CDK5R2: variants seen among roughly 807,000 people sequenced by gnomAD.
CDK5R2 encodes cyclin-dependent kinase 5 activator 2.
CDK5R2 carries 7 observed loss-of-function variants against 23.1 expected under a neutral mutation model. The observed-to-expected ratio is 0.30, with a 90% confidence interval of 0.17 to 0.57. CDK5R2 has a LOEUF of 0.57. Ranked by LOEUF, CDK5R2 falls within the 20% of genes least tolerant of loss-of-function variation. The probability of loss-of-function intolerance (pLI) is 0.91; values close to 1 mark genes in which losing one functional copy is unlikely to be tolerated. For synonymous variants in CDK5R2, 242 were observed against 264.9 expected (o/e 0.91, Z 0.84); for missense variants, 380 against 537.6 (o/e 0.71, Z 2.90).
chr2:218,959,999 T>C lies in CDK5R2; in HGVS notation c.179T>C (p.Leu60Pro). The C allele has an allele frequency of 6.4e-7, 1 of 1,574,772 alleles. No homozygotes were observed. The change falls in exon 1 of 1, where the codon CTC becomes CCC. Residue 60 changes from leucine (L) to proline (P), a missense_variant. Physicochemically the swap from Leu to Pro is moderately conservative, Grantham distance 98. Around this residue, in one of 3 missense-constraint regions of CDK5R2, gnomAD observed 197 missense variants for 246.4 expected, o/e 0.80. Transcript: ENST00000302625. This position sits in a 1 kb window ranked among gnomAD's most constrained non-coding sequence, Gnocchi z 4.0. ...AGCCGACTCAAGCGGCCGTCCGTGC[T>C]CATCTCGGCGCTCACCTGGAAGCGC... ...GESRLKRPSV[L>P]ISALTWKRLV...
At position 218,960,247 on chromosome 2, in the gene CDK5R2, G is replaced by A. The variant is rs2105999366; in HGVS notation, c.427G>A (p.Ala143Thr). The A allele has an allele frequency of 9.4e-6, 12 of 1,277,888 alleles. No individual in the cohort carries two copies. Among genetic ancestry groups the A allele is most frequent in the East Asian group, 3.2e-5 (1 of 31,136 alleles). The allele number at this position is 1,277,888 out of a possible 1,614,324, so 79.2% of individuals were successfully genotyped here. A position where few individuals can be genotyped will look rare whatever the true frequency, so the allele number is the denominator to read the frequency against. The change falls in exon 1 of 1, where the codon GCG becomes ACG. Residue 143 changes from alanine to threonine, a missense_variant. Ala to Thr is a moderately conservative substitution (Grantham distance 58). This residue lies in a region of CDK5R2 where 197 missense variants were observed against 246.4 expected (regional missense o/e 0.80). Coordinates refer to ENST00000302625, the MANE Select transcript of CDK5R2 (RefSeq NM_003936.5). ...ATCEPPSGGS[A>T]AAQPPGSGGG... ...CTGCGAGCCACCGTCGGGGGGCAGC[G>A]CGGCCGCTCAGCCGCCGGGCTCGGG...
rs909065474 is a variant in CDK5R2 at position 218,961,957 on chromosome 2, G to GA, written c.*1034dup. On this transcript the variant is annotated 3_prime_UTR_variant, in exon 1 of 1. Transcript: ENST00000302625. This position sits in a 1 kb window ranked among gnomAD's most constrained non-coding sequence, Gnocchi z 4.4. ...TTTGGTTGTTTGCGGAGGGAGGGGG[G>GA]AGGGGGGTAGGCTGGGCCGGGAACT... 3.6e-5 allele frequency: 6 copies of GA among 167,066 alleles called. No homozygotes were observed. Among genetic ancestry groups the GA allele is most frequent in the African/African-American group, 1.2e-4 (5 of 41,390 alleles). The allele number at this position is 167,066 out of a possible 1,614,324, so 10.3% of individuals were successfully genotyped here.
At position 218,960,355 on chromosome 2, in the gene CDK5R2, G is replaced by T; in HGVS notation, c.535G>T (p.Val179Leu). Reference sequence around the variant, plus strand: ...TGGCGGCTCGCCGCGGCGGGTCATCGTGCAGGCGTCCACCGGCGAGCTGCT... The same window carrying T: ...TGGCGGCTCGCCGCGGCGGGTCATCTTGCAGGCGTCCACCGGCGAGCTGCT... ...VPGGSPRRVIVQASTGELLRC... is the reference protein window; with the variant it reads ...VPGGSPRRVILQASTGELLRC... The change falls in exon 1 of 1, where the codon GTG becomes TTG. Residue 179 changes from valine to leucine, a missense_variant. Coordinates refer to ENST00000302625, the MANE Select transcript of CDK5R2 (RefSeq NM_003936.5). The T allele has an allele frequency of 6.5e-7, 1 of 1,541,148 alleles. No homozygotes were observed.
chr2:218,961,066 G>T lies in CDK5R2; in HGVS notation c.*142G>T, dbSNP rs1250814547. 1.9e-5 allele frequency: 9 copies of T among 472,996 alleles called. No homozygotes were observed. Among genetic ancestry groups the T allele is most frequent in the Non-Finnish European group, 7.4e-6 (2 of 270,346 alleles). The allele number at this position is 472,996 out of a possible 1,614,324, so 29.3% of individuals were successfully genotyped here. ...GAGGAGACGCCCATGCCCCTCAGGG[G>T]AAAGTGGAGACCGGGACACCAGAGG... On this transcript the variant is annotated 3_prime_UTR_variant, in exon 1 of 1. Transcript: ENST00000302625. This position sits in a 1 kb window ranked among gnomAD's most constrained non-coding sequence, Gnocchi z 4.4.
Position 218,960,606 on chromosome 2 carries a change from C to T in CDK5R2, c.786C>T (p.Phe262=), listed in dbSNP as rs1453472221. The stretch of plus-strand genomic sequence containing the variant: ...CGGCCGCCGAGCTGCAGGCCGCCTT[C>T]CTCACCTGCCTCTACCTCGCCTACT... ...LASAAELQAA[F]LTCLYLAYSY... is the part of the protein sequence containing the mutation. The change falls in exon 1 of 1, where the codon TTC becomes TTT. Residue 262 remains phenylalanine, a synonymous_variant. Transcript: ENST00000302625. 2.5e-6 allele frequency: 4 copies of T among 1,613,860 alleles called. No individual in the cohort carries two copies. The Admixed American group carries it at 5.0e-5, about 20-fold the overall frequency.
chr2:218,961,954 G>C lies in CDK5R2; in HGVS notation c.*1030G>C, dbSNP rs1271323035. 1 of 167,194 alleles carries C rather than the reference G, an allele frequency of 6.0e-6. No homozygotes were observed. Among genetic ancestry groups the C allele is most frequent in the Non-Finnish European group, 1.5e-5 (1 of 68,288 alleles). 10.4% of individuals were successfully genotyped at this position (167,194 alleles called of 1,614,324 possible). A position where few individuals can be genotyped will look rare whatever the true frequency, so the allele number is the denominator to read the frequency against. On this transcript the variant is annotated 3_prime_UTR_variant, in exon 1 of 1. Coordinates refer to ENST00000302625, the MANE Select transcript of CDK5R2 (RefSeq NM_003936.5). The surrounding 1 kb of genome is among the most constrained non-coding windows in gnomAD (Gnocchi z 4.4). ...TTATTTGGTTGTTTGCGGAGGGAGG[G>C]GGGAGGGGGGTAGGCTGGGCCGGGA...
Position 218,960,568 on chromosome 2 carries a change from G to A in CDK5R2, c.748G>A (p.Asp250Asn). ...YLLCRESLRG[D>N]ELASAAELQA... The stretch of plus-strand genomic sequence containing the variant: ...GCTGTGCCGCGAGTCGCTGCGTGGG[G>A]ACGAGCTGGCGTCGGCCGCCGAGCT... Residue 250 changes from aspartate (D) to asparagine (N), a missense_variant, in exon 1 of 1, where the codon GAC becomes AAC. Coordinates refer to ENST00000302625, the MANE Select transcript of CDK5R2 (RefSeq NM_003936.5). 6.2e-7 allele frequency: 1 copy of A among 1,613,932 alleles called. No individual in the cohort carries two copies. The highest frequency in any genetic ancestry group is 8.5e-7 in the Non-Finnish European group (1 of 1,179,902).
chr2:218,959,853 C>G lies in CDK5R2; in HGVS notation c.33C>G (p.Ser11=). 1.4e-6 allele frequency: 2 copies of G among 1,419,106 alleles called. No individual in the cohort carries two copies. 87.9% of individuals were successfully genotyped at this position (1,419,106 alleles called of 1,614,324 possible). Reference sequence around the variant, plus strand: ...CAGTGCTGTCTCTTTCGCCTGCCTCCTCGGCCAAGGGCCGGAGGCCCGGCG... The same window carrying G: ...CAGTGCTGTCTCTTTCGCCTGCCTCGTCGGCCAAGGGCCGGAGGCCCGGCG... The part of the protein sequence containing the change: MGTVLSLSPA[S]SAKGRRPGGL... Residue 11 remains serine (S), a synonymous_variant, in exon 1 of 1, where the codon TCC becomes TCG. Coordinates refer to ENST00000302625, the MANE Select transcript of CDK5R2 (RefSeq NM_003936.5). This position sits in a 1 kb window ranked among gnomAD's most constrained non-coding sequence, Gnocchi z 4.0.
In CDK5R2 at chr2:218,960,298, C is replaced by T. The variant is rs1479261566; in HGVS notation, c.478C>T (p.Pro160Ser). The T allele has an allele frequency of 1.4e-6, 2 of 1,409,532 alleles. No individual in the cohort carries two copies. The highest frequency in any genetic ancestry group is 1.8e-6 in the Non-Finnish European group (2 of 1,091,168). The allele number at this position is 1,409,532 out of a possible 1,614,324, so 87.3% of individuals were successfully genotyped here. A position where few individuals can be genotyped will look rare whatever the true frequency, so the allele number is the denominator to read the frequency against. The change falls in exon 1 of 1, where the codon CCC becomes TCC. Residue 160 changes from proline to serine, a missense_variant. Around this residue, in one of 3 missense-constraint regions of CDK5R2, gnomAD observed 197 missense variants for 246.4 expected, o/e 0.80. Transcript: ENST00000302625. ...CGGGGGAAAGCCTCCGCCGCCGCCT[C>T]CCCCAGCCCCGCAGGTGGCGCCGCC... is the stretch of plus-strand genomic sequence containing the variant. Reference protein sequence around the residue: ...SGGGKPPPPPPPAPQVAPPVP... With the variant: ...SGGGKPPPPPSPAPQVAPPVP...
rs1945189133 is a variant in CDK5R2, at chr2:218,959,916, G to A, written c.96G>A (p.Gly32=). The stretch of plus-strand genomic sequence containing the variant: ...AGAAGAAGAAGGCGCCGCCCGCGGG[G>A]GACGAGGCGCTGGGGGGCTACGGGG... ...PEEKKKAPPA[G]DEALGGYGAP... The change falls in exon 1 of 1, where the codon GGG becomes GGA. Residue 32 remains glycine, a synonymous_variant. Transcript: ENST00000302625. The surrounding 1 kb of genome is among the most constrained non-coding windows in gnomAD (Gnocchi z 4.0). 2.0e-6 allele frequency: 3 copies of A among 1,481,674 alleles called. No individual in the cohort carries two copies. Among genetic ancestry groups the A allele is most frequent in the East Asian group, 2.6e-5 (1 of 37,846 alleles). 91.8% of individuals were successfully genotyped at this position (1,481,674 alleles called of 1,614,324 possible). A position where few individuals can be genotyped will look rare whatever the true frequency, so the allele number is the denominator to read the frequency against.
rs781635214 is a variant in CDK5R2 at position 218,959,963 on chromosome 2, G to A, written c.143G>A (p.Gly48Asp). The A allele has an allele frequency of 6.5e-7, 1 of 1,545,572 alleles. No individual in the cohort carries two copies. Among genetic ancestry groups the A allele is most frequent in the South Asian group, 1.2e-5 (1 of 83,556 alleles). ...GGGGCGCCGCCAGTGGGCAAGGGCG[G>A]CAAAGGCGAGAGCCGACTCAAGCGG... is the stretch of plus-strand genomic sequence containing the variant. Reference protein sequence around the residue: ...GYGAPPVGKGGKGESRLKRPS... With the variant: ...GYGAPPVGKGDKGESRLKRPS... Residue 48 changes from glycine (G) to aspartate (D), a missense_variant, in exon 1 of 1, where the codon GGC becomes GAC. Around this residue, in one of 3 missense-constraint regions of CDK5R2, gnomAD observed 197 missense variants for 246.4 expected, o/e 0.80. Coordinates refer to ENST00000302625, the MANE Select transcript of CDK5R2 (RefSeq NM_003936.5). This position sits in a 1 kb window ranked among gnomAD's most constrained non-coding sequence, Gnocchi z 4.0.
At position 218,960,810 on chromosome 2, in the gene CDK5R2, G is replaced by T; in HGVS notation, c.990G>T (p.Glu330Asp). Residue 330 changes from glutamate (E) to aspartate (D), a missense_variant, in exon 1 of 1, where the codon GAG becomes GAT. Glu to Asp is a conservative substitution (Grantham distance 45, BLOSUM62 2). Transcript: ENST00000302625. ...QVFQDLKNEG[E>D]AAASGGGPPS... is the part of the protein sequence containing the mutation. Reference sequence around the variant, plus strand: ...TTCAAGACCTCAAGAACGAGGGCGAGGCCGCCGCCAGCGGCGGGGGCCCAC... The same window carrying T: ...TTCAAGACCTCAAGAACGAGGGCGATGCCGCCGCCAGCGGCGGGGGCCCAC... The T allele has an allele frequency of 6.3e-7, 1 of 1,586,046 alleles. No homozygotes were observed.
chr2:218,961,287 T>G lies in CDK5R2; in HGVS notation c.*363T>G. ...CTTTTTGTGTCTTCATTTTTCCTCC[T>G]GTCTGCATTCCTCTCTCTCTCTCTC... is the stretch of plus-strand genomic sequence containing the variant. On this transcript the variant is annotated 3_prime_UTR_variant, in exon 1 of 1. Coordinates refer to ENST00000302625, the MANE Select transcript of CDK5R2 (RefSeq NM_003936.5). This position sits in a 1 kb window ranked among gnomAD's most constrained non-coding sequence, Gnocchi z 4.4. 4.4e-6 allele frequency: 1 copy of G among 224,946 alleles called. No homozygotes were observed. Among genetic ancestry groups the G allele is most frequent in the African/African-American group, 2.3e-5 (1 of 43,444 alleles). The allele number at this position is 224,946 out of a possible 1,614,324, so 13.9% of individuals were successfully genotyped here.
rs1945202261 is a variant in CDK5R2, at chr2:218,961,131, A to C, written c.*207A>C. 1 of 431,296 alleles carries C rather than the reference A, an allele frequency of 2.3e-6. No individual in the cohort carries two copies. The highest frequency in any genetic ancestry group is 4.1e-6 in the Non-Finnish European group (1 of 241,020). The allele number at this position is 431,296 out of a possible 1,614,324, so 26.7% of individuals were successfully genotyped here. A position where few individuals can be genotyped will look rare whatever the true frequency, so the allele number is the denominator to read the frequency against. On this transcript the variant is annotated 3_prime_UTR_variant, in exon 1 of 1. Coordinates refer to ENST00000302625, the MANE Select transcript of CDK5R2 (RefSeq NM_003936.5). This position sits in a 1 kb window ranked among gnomAD's most constrained non-coding sequence, Gnocchi z 4.4. ...TTTGCTGGGCGTGGAGTGGGGACGG[A>C]AGATGAGCGCGGGAAAGGCACTCCA...
chr2:218,960,913 C>A lies in CDK5R2; in HGVS notation c.1093C>A (p.Leu365Met). Residue 365 changes from leucine (L) to methionine (M), a missense_variant, in exon 1 of 1, where the codon CTG (leucine) becomes ATG (methionine). Leu to Met is a conservative substitution (Grantham distance 15). This residue lies in a region of CDK5R2 where 59 missense variants were observed against 55.7 expected (regional missense o/e 1.06). Transcript: ENST00000302625. ...AAGTKHWTMN[L>M]DR Reference sequence around the variant, plus strand: ...CGGAACCAAGCACTGGACTATGAACCTGGACCGCTAGGGATACCCAGGGGC... The same window carrying A: ...CGGAACCAAGCACTGGACTATGAACATGGACCGCTAGGGATACCCAGGGGC... The A allele has an allele frequency of 6.9e-7, 1 of 1,441,008 alleles. No individual in the cohort carries two copies. The highest frequency in any genetic ancestry group is 9.1e-7 in the Non-Finnish European group (1 of 1,102,046). The allele number at this position is 1,441,008 out of a possible 1,614,324, so 89.3% of individuals were successfully genotyped here. A position where few individuals can be genotyped will look rare whatever the true frequency, so the allele number is the denominator to read the frequency against.
In CDK5R2 at chr2:218,960,394, G is replaced by T. The variant is rs745853011; in HGVS notation, c.574G>T (p.Asp192Tyr). Residue 192 changes from aspartate (D) to tyrosine (Y), a missense_variant, in exon 1 of 1, where the codon GAC becomes TAC. Asp to Tyr is a radical substitution (Grantham distance 160). This residue lies in a region of CDK5R2 where 124 missense variants were observed against 235.5 expected (regional missense o/e 0.53). Coordinates refer to ENST00000302625, the MANE Select transcript of CDK5R2 (RefSeq NM_003936.5). ...STGELLRCLG[D>Y]FVCRRCYRLK... is the part of the protein sequence containing the mutation. ...CGGCGAGCTGCTGCGCTGTCTGGGC[G>T]ACTTCGTGTGCCGACGCTGCTATCG... 2 of 1,597,808 alleles carry T rather than the reference G, an allele frequency of 1.3e-6. No homozygotes were observed. The highest frequency in any genetic ancestry group is 1.7e-6 in the Non-Finnish European group (2 of 1,176,510).
chr2:218,959,774 C>G lies in CDK5R2; in HGVS notation c.-47C>G. 1.6e-6 allele frequency: 2 copies of G among 1,235,452 alleles called. No homozygotes were observed. The highest frequency in any genetic ancestry group is 2.0e-6 in the Non-Finnish European group (2 of 990,966). 76.5% of individuals were successfully genotyped at this position (1,235,452 alleles called of 1,614,324 possible). On this transcript the variant is annotated 5_prime_UTR_variant, in exon 1 of 1. Transcript: ENST00000302625. The surrounding 1 kb of genome is among the most constrained non-coding windows in gnomAD (Gnocchi z 4.0). ...CCCGGGGCTGCAGTAGCAGCGGCGC[C>G]GCCCGCGGCTCCCGCTGGGGCCTGG...
rs1945209115 is a variant in CDK5R2 at position 218,961,805 on chromosome 2, C to T, written c.*881C>T. On this transcript the variant is annotated 3_prime_UTR_variant, in exon 1 of 1. Transcript: ENST00000302625. The surrounding 1 kb of genome is among the most constrained non-coding windows in gnomAD (Gnocchi z 4.4). ...TGGAGGCAAAATCAACCTGGGAGAC[C>T]ACCCCGGCCGCGGCGCCTCAGTGGA... 1 of 167,234 alleles carries T rather than the reference C, an allele frequency of 6.0e-6. No individual in the cohort carries two copies. The highest frequency in any genetic ancestry group is 2.4e-5 in the African/African-American group (1 of 41,434). 10.4% of individuals were successfully genotyped at this position (167,234 alleles called of 1,614,324 possible).
In CDK5R2 at chr2:218,960,830, G is replaced by T; in HGVS notation, c.1010G>T (p.Gly337Val). 1.9e-6 allele frequency: 3 copies of T among 1,554,034 alleles called. No individual in the cohort carries two copies. Among genetic ancestry groups the T allele is most frequent in the Non-Finnish European group, 2.6e-6 (3 of 1,159,278 alleles). ...NEGEAAASGG[G>V]PPSGGAPAAS... ...GGCGAGGCCGCCGCCAGCGGCGGGG[G>T]CCCACCGAGCGGGGGCGCGCCCGCC... Residue 337 changes from glycine (G) to valine (V), a missense_variant, in exon 1 of 1, where the codon GGC (glycine) becomes GTC (valine). Coordinates refer to ENST00000302625, the MANE Select transcript of CDK5R2 (RefSeq NM_003936.5).
Sources: allele counts gnomAD v4.1 joint callset, GRCh38; gene constraint gnomAD v4.1.1; regional missense constraint gnomAD v4.1.1; non-coding constraint Gnocchi (gnomAD v3.1); transcripts MANE v1.5; gene names NCBI Gene and HGNC (gene_info 2026-07-23, HGNC 2026-07-21).